OR1A1: variants seen among roughly 807,000 people sequenced by gnomAD.
The protein encoded by OR1A1 is olfactory receptor family 1 subfamily A member 1, also known as olfactory receptor 1A1.
For missense variants in OR1A1, 391 were observed against 379.9 expected (o/e 1.03, Z -0.24); for synonymous variants, 145 against 147.8 (o/e 0.98, Z 0.13).
chr17:3,216,601 G>A lies in OR1A1; in HGVS notation c.*51G>A. 4 of 1,405,226 alleles carry A rather than the reference G, an allele frequency of 2.8e-6. No homozygotes were observed. The highest frequency in any genetic ancestry group is 3.9e-6 in the Non-Finnish European group (4 of 1,026,026). The allele number at this position is 1,405,226 out of a possible 1,614,324, so 87.0% of individuals were successfully genotyped here. On this transcript the variant is annotated 3_prime_UTR_variant, in exon 4 of 4. Transcript: ENST00000641732. ...CCGTAGTCACCAGTTACGGTATATT[G>A]GAAATCCAGTTCTGATGTCATCCTC...
In OR1A1 at chr17:3,216,583, C is replaced by T; in HGVS notation, c.*33C>T. The T allele has an allele frequency of 6.7e-7, 1 of 1,486,722 alleles. No individual in the cohort carries two copies. The highest frequency in any genetic ancestry group is 1.8e-4 in the Middle Eastern group (1 of 5,426). 92.1% of individuals were successfully genotyped at this position (1,486,722 alleles called of 1,614,324 possible). On this transcript the variant is annotated 3_prime_UTR_variant, in exon 4 of 4. Transcript: ENST00000641732. Reference sequence around the variant, plus strand: ...GAGGGCCTACATTGGATACCGTAGTCACCAGTTACGGTATATTGGAAATCC... The same window carrying T: ...GAGGGCCTACATTGGATACCGTAGTTACCAGTTACGGTATATTGGAAATCC...
intron 2 of OR1A1, among the ~76,000 whole-genome samples, chr17:3,209,800 A>G (rs1369075185): frequency 6.6e-6 from 1 of 152,100 alleles, no homozygotes; most frequent in Non-Finnish European, 1.5e-5. Flanking sequence ...ATACACTTGA[A>G]ATTTTCTTTG....
rs750761978 is a variant in OR1A1 at position 3,215,878 on chromosome 17, C to T, written c.258C>T (p.Leu86=). The T allele has an allele frequency of 6.8e-6, 11 of 1,614,064 alleles. No individual in the cohort carries two copies. In the African/African-American group the frequency reaches 1.5e-4, roughly 22 times the overall value. ...TCCCTAAGATGCTGGCCAACCATCT[C>T]TTGGGCAGCAAATCCATCTCTTTTG... The part of the protein sequence containing the change: ...VTIPKMLANH[L]LGSKSISFGG... The change falls in exon 4 of 4, where the codon CTC becomes CTT. Residue 86 remains leucine, a synonymous_variant. Coordinates refer to ENST00000641732, the MANE Select transcript of OR1A1 (RefSeq NM_014565.3).
At chr17:3,210,143 G>A (rs940424969) in intron 2 of OR1A1, among the ~76,000 whole-genome samples, 3 of 141,228 alleles carry the variant, frequency 2.1e-5, no homozygotes, top group South Asian at 2.4e-4. Context: ...ACATGTGCCC[G>A]TCTTCTTTTT....
intron 3 of OR1A1, among the ~76,000 whole-genome samples, 193 bp from the exon 4 acceptor site, chr17:3,215,423 A>G (rs2048461275): frequency 6.6e-6 from 1 of 152,202 alleles, no homozygotes. Context: ...ACATGACTAT[A>G]AAGGGGTGAA....
In OR1A1 at chr17:3,217,724, T is replaced by C. The variant is rs532343941; in HGVS notation, c.*1174T>C. 5 of 152,304 alleles carry C rather than the reference T, an allele frequency of 3.3e-5. No individual in the cohort carries two copies. The South Asian group carries it at 1.0e-3, about 32-fold the overall frequency. The allele number at this position is 152,304 out of a possible 1,614,324, so 9.4% of individuals were successfully genotyped here. A position where few individuals can be genotyped will look rare whatever the true frequency, so the allele number is the denominator to read the frequency against. ...TGGTGTTGGGAAAACTGGCTAGCCA[T>C]ATGCAGAAAAATGAAACTGGACCCC... On this transcript the variant is annotated 3_prime_UTR_variant, in exon 4 of 4. Coordinates refer to ENST00000641732, the MANE Select transcript of OR1A1 (RefSeq NM_014565.3).
intron 1 of OR1A1, among the ~76,000 whole-genome samples, 199 bp downstream of exon 1, chr17:3,208,199 AGG>A (rs1259937429): frequency 6.6e-6 from 1 of 151,668 alleles, no homozygotes; most frequent in Admixed American, 6.6e-5. Flanking sequence ...AGAGAGGAGG[AGG>A]AGGAGGAGGA....
intron 3 of OR1A1, chr17:3,213,573 TAAAC>T (rs982526573): frequency 1.3e-5 from 2 of 152,230 alleles, no homozygotes; most frequent in African/African-American, 2.4e-5. Flanking sequence ...TAAAATGGCT[TAAAC>T]AAAGTAAAGG....
intron 1 of OR1A1, among the ~76,000 whole-genome samples, chr17:3,208,372 C>A (rs767116719): frequency 6.6e-6 from 1 of 151,960 alleles, no homozygotes; most frequent in African/African-American, 2.4e-5. Flanking sequence ...TAAGAGAGAG[C>A]GAGAGCACCT....
rs1326835036 is a variant in OR1A1 at position 3,216,703 on chromosome 17, T to C, written c.*153T>C. 3 of 603,888 alleles carry C rather than the reference T, an allele frequency of 5.0e-6. No individual in the cohort carries two copies. The highest frequency in any genetic ancestry group is 8.4e-6 in the Non-Finnish European group (3 of 359,240). The allele number at this position is 603,888 out of a possible 1,614,324, so 37.4% of individuals were successfully genotyped here. On this transcript the variant is annotated 3_prime_UTR_variant, in exon 4 of 4. Coordinates refer to ENST00000641732, the MANE Select transcript of OR1A1 (RefSeq NM_014565.3). ...CTCTTATAACATTTTAATAAGTTAA[T>C]AATAAGTGATTATTGAAATTACCAC...
rs1158855824 is a variant in OR1A1, at chr17:3,208,596, C to T, written c.-541C>T. 1 of 152,180 alleles carries T rather than the reference C, an allele frequency of 6.6e-6. No homozygotes were observed. The highest frequency in any genetic ancestry group is 2.4e-5 in the African/African-American group (1 of 41,388). 9.4% of individuals were successfully genotyped at this position (152,180 alleles called of 1,614,324 possible). The stretch of plus-strand genomic sequence containing the variant: ...GTCCCTGCAGAATTGTTCTCAGCAC[C>T]ACCCCATTCACATGGCTGATATCTC... On this transcript the variant is annotated 5_prime_UTR_variant, in exon 2 of 4. Transcript: ENST00000641732.
chr17:3,210,162 A>T (rs77075236), intron 2 of OR1A1, among the ~76,000 whole-genome samples: 14 of 121,470 alleles, frequency 1.2e-4, no homozygotes, highest in East Asian at 5.9e-4. Context: ...TTTCTTTTCC[A>T]TTTTTTTTTT....
At position 3,207,973 on chromosome 17, in the gene OR1A1, C is replaced by T. The variant is rs1016866405; in HGVS notation, c.-584C>T. ...ACAGCAACATCAAAGGGTAGACAGC[C>T]AGCAACTGTAGGCTACTTGCCCAAG... On this transcript the variant is annotated 5_prime_UTR_variant, in exon 1 of 4. Coordinates refer to ENST00000641732, the MANE Select transcript of OR1A1 (RefSeq NM_014565.3). 1.3e-5 allele frequency: 2 copies of T among 152,192 alleles called. No individual in the cohort carries two copies. Among genetic ancestry groups the T allele is most frequent in the African/African-American group, 2.4e-5 (1 of 41,446 alleles). The allele number at this position is 152,192 out of a possible 1,614,324, so 9.4% of individuals were successfully genotyped here.
At chr17:3,211,129 T>C (rs1425686150) in intron 2 of OR1A1, among the ~76,000 whole-genome samples, 1 of 152,218 alleles carries the variant, frequency 6.6e-6, no homozygotes, top group Non-Finnish European at 1.5e-5. Context: ...AACCACCTCA[T>C]GTCACACACC....
At chr17:3,210,024 A>C (rs1417073107) in intron 2 of OR1A1, among the ~76,000 whole-genome samples, 2 of 151,962 alleles carry the variant, frequency 1.3e-5, no homozygotes, top group African/African-American at 4.8e-5. Context: ...TTACCCCATG[A>C]ATTTATTCAT....
At chr17:3,214,593 A>G (rs2048457905) in intron 3 of OR1A1, 2 of 152,098 alleles carry the variant, frequency 1.3e-5, no homozygotes, top group African/African-American at 4.8e-5. Flanking sequence ...GTAAAAATAA[A>G]CAAGATATGG....
Position 3,209,552 on chromosome 17 carries a change from G to C in OR1A1, c.-139+554G>C, listed in dbSNP as rs114561969. Among the ~76,000 whole-genome samples the C allele has an allele frequency of 5.1e-3, 774 of 152,298 alleles. 8 individuals carry two copies. The highest frequency in any genetic ancestry group is 0.017 in the African/African-American group (703 of 41,566). On this transcript the variant is annotated intron_variant, in intron 2 of 3. Transcript: ENST00000641732. The stretch of plus-strand genomic sequence containing the variant: ...TTACCATATCTTTATGGGGTAACAT[G>C]AGATGTTTTGATACAGGCATGCCAT...
Position 3,215,877 on chromosome 17 carries a change from T to C in OR1A1, c.257T>C (p.Leu86Pro). The C allele has an allele frequency of 6.2e-7, 1 of 1,614,174 alleles. No homozygotes were observed. Among genetic ancestry groups the C allele is most frequent in the Non-Finnish European group, 8.5e-7 (1 of 1,180,040 alleles). Residue 86 changes from leucine (L) to proline (P), a missense_variant, in exon 4 of 4, where the codon CTC (leucine) becomes CCC (proline). Leu to Pro is a moderately conservative substitution (Grantham distance 98). Transcript: ENST00000641732. ...VTIPKMLANH[L>P]LGSKSISFGG... Reference sequence around the variant, plus strand: ...ATCCCTAAGATGCTGGCCAACCATCTCTTGGGCAGCAAATCCATCTCTTTT... The same window carrying C: ...ATCCCTAAGATGCTGGCCAACCATCCCTTGGGCAGCAAATCCATCTCTTTT...
chr17:3,210,990 T>G (rs532357135), intron 2 of OR1A1, among the ~76,000 whole-genome samples: 1 of 152,304 alleles, frequency 6.6e-6, no homozygotes, highest in Admixed American at 6.5e-5. Flanking sequence ...TTCCACTAAA[T>G]TTTTTGACGT....
Sources: allele counts gnomAD v4.1 joint callset (sites outside exome capture counted in the v4.1 genomes callset), GRCh38; gene constraint gnomAD v4.1.1; transcripts MANE v1.5; gene names NCBI Gene and HGNC (gene_info 2026-07-23, HGNC 2026-07-21).